Variants in NBEAL1 observed in about 807,000 individuals in gnomAD.
NBEAL1 encodes the protein neurobeachin-like protein 1.
A neutral mutation model predicts 351.3 loss-of-function variants in NBEAL1; 273 were observed. The observed-to-expected ratio is 0.78, with a 90% confidence interval of 0.70 to 0.86. The LOEUF (loss-of-function observed/expected upper bound fraction) is 0.86, where lower values mean the gene tolerates loss of function less well. NBEAL1 is among the 40% of genes least tolerant of loss of function. The pLI is 0.00. For missense variants in NBEAL1, 2,961 were observed against 3,201.3 expected, an observed-to-expected ratio of 0.92 and a Z score of 1.81; for synonymous variants, 1,050 against 1,086.4, an observed-to-expected ratio of 0.97 and a Z score of 0.66.
chr2:203,071,447 C>G (rs2061680392), intron 7 of NBEAL1, among the ~76,000 whole-genome samples: 1 of 152,160 alleles, frequency 6.6e-6, no homozygotes. Context: ...AAGGCCCTGT[C>G]TGCAATACAG....
intron 6 of NBEAL1, among the ~76,000 whole-genome samples, chr2:203,057,824 CTTTTTTT>C (rs747730907): frequency 3.0e-5 from 4 of 133,684 alleles, no homozygotes; most frequent in East Asian, 4.3e-4. Context: ...TTTCTTTTTT[CTTTTTTT>C]TTTTTTTGTT....
At chr2:203,145,797 CAAAAAAAAAA>C (rs56382460) in intron 33 of NBEAL1, among the ~76,000 whole-genome samples, 2 of 86,138 alleles carry the variant, frequency 2.3e-5, no homozygotes, top group Non-Finnish European at 4.6e-5. Context: ...GACTCCATCT[CAAAAAAAAAA>C]AAAAAAAAAG....
intron 14 of NBEAL1, among the ~76,000 whole-genome samples, chr2:203,109,712 G>A (rs955229239): frequency 2.0e-5 from 3 of 151,980 alleles, no homozygotes; most frequent in Admixed American, 6.6e-5. Context: ...TAGAGACGGG[G>A]TTTCACCACG....
At chr2:203,022,570 C>G (rs1208373959) in intron 2 of NBEAL1, among the ~76,000 whole-genome samples, 1 of 152,004 alleles carries the variant, frequency 6.6e-6, no homozygotes, top group Admixed American at 6.6e-5. Context: ...TTTTACATAT[C>G]TGTCAAAATT....
intron 2 of NBEAL1, among the ~76,000 whole-genome samples, chr2:203,032,660 CTTTTTTTTT>C (rs747309074): frequency 2.9e-5 from 2 of 70,144 alleles, no homozygotes; most frequent in Non-Finnish European, 4.9e-5. Context: ...GAAATTGTAG[CTTTTTTTTT>C]TTTTTTTTTT....
chr2:203,137,898 C>T (rs1232936807), intron 29 of NBEAL1, among the ~76,000 whole-genome samples: 3 of 151,930 alleles, frequency 2.0e-5, no homozygotes, highest in Admixed American at 6.6e-5. Flanking sequence ...GCAGGAGAAT[C>T]GCCTGAACCC....
At chr2:203,039,559 A>G (rs2061104412) in intron 2 of NBEAL1, among the ~76,000 whole-genome samples, 2 of 149,938 alleles carry the variant, frequency 1.3e-5, no homozygotes, top group Admixed American at 1.3e-4. Context: ...ACACCTGTCT[A>G]ATTTTTGTAT....
Position 203,224,900 on chromosome 2 carries a change from C to A in NBEAL1, c.*7546C>A, listed in dbSNP as rs1051789039. Among the ~76,000 whole-genome samples the A allele has an allele frequency of 6.6e-6, 1 of 152,042 alleles. No individual in the cohort carries two copies. Among genetic ancestry groups the A allele is most frequent in the Admixed American group, 6.6e-5 (1 of 15,254 alleles). On this transcript the variant is annotated 3_prime_UTR_variant, in exon 56 of 56. Coordinates refer to ENST00000683969, the MANE Select transcript of NBEAL1 (RefSeq NM_001378026.1). ...TAGTTAAGTTACTGTTAGTTTGGTG[C>A]AATACATTCTTTCCTTCCTCATCCT...
chr2:203,202,654 G>T, intron 50 of NBEAL1, 33 bp from the exon 51 acceptor site: 1 of 1,209,384 alleles, frequency 8.3e-7, no homozygotes, highest in Non-Finnish European at 1.2e-6. Flanking sequence ...GCAAAACGAG[G>T]CATCTCATTT....
Position 203,107,974 on chromosome 2 carries a change from G to A in NBEAL1, c.1735G>A (p.Val579Met), listed in dbSNP as rs1177108907. 29 of 1,554,422 alleles carry A rather than the reference G, an allele frequency of 1.9e-5. No homozygotes were observed. The highest frequency in any genetic ancestry group is 4.8e-5 in the East Asian group (2 of 41,758). Residue 579 changes from valine (V) to methionine (M), a missense_variant, in exon 14 of 56, where the codon GTG becomes ATG. Transcript: ENST00000683969. The part of the protein sequence containing the change: ...SESVHPYVTP[V>M]TRAILTMARK... ...GTCTGTTCACCCTTATGTCACTCCC[G>A]TGACTCGAGCAATCCTGACAATGGC...
chr2:203,110,473 G>T (rs980337136), intron 15 of NBEAL1, among the ~76,000 whole-genome samples, 191 bp downstream of exon 15: 1 of 151,816 alleles, frequency 6.6e-6, no homozygotes, highest in African/African-American at 2.4e-5. Flanking sequence ...AAGAGTTTGG[G>T]ACCATCCTGG....
Position 203,172,840 on chromosome 2 carries a change from G to A in NBEAL1, c.6310G>A (p.Ala2104Thr), listed in dbSNP as rs376568165. 11 of 1,605,576 alleles carry A rather than the reference G, an allele frequency of 6.9e-6. No homozygotes were observed. The highest frequency in any genetic ancestry group is 9.4e-6 in the Non-Finnish European group (11 of 1,176,428). The change falls in exon 41 of 56, where the codon GCT becomes ACT. Residue 2104 changes from alanine to threonine, a missense_variant. Ala to Thr is a moderately conservative substitution (Grantham distance 58). Coordinates refer to ENST00000683969, the MANE Select transcript of NBEAL1 (RefSeq NM_001378026.1). ...IGVVNEKNAKAMREKYENFED... is the reference protein window; with the variant it reads ...IGVVNEKNAKTMREKYENFED... ...GGTAGTTAATGAAAAAAACGCCAAA[G>A]CTATGAGAGAAAAGTAAGTGCTTCT...
intron 35 of NBEAL1, among the ~76,000 whole-genome samples, chr2:203,156,172 C>T (rs899288423): frequency 1.3e-5 from 2 of 152,174 alleles, no homozygotes; most frequent in African/African-American, 4.8e-5. Flanking sequence ...TCCACATTAT[C>T]CATGAGTCTC....
At chr2:203,210,860 A>T in intron 53 of NBEAL1, 98 bp from the exon 54 acceptor site, 1 of 597,740 alleles carries the variant, frequency 1.7e-6, no homozygotes, top group Non-Finnish European at 2.7e-6. Context: ...CTAAAATGTT[A>T]AGCCAAATAA....
chr2:203,119,424 C>CTTTTTTTTTT (rs57126638), intron 18 of NBEAL1, among the ~76,000 whole-genome samples: 677 of 66,646 alleles, frequency 0.01, 169 homozygotes, highest in East Asian at 0.017. Context: ...CGGCCTGTTG[C>CTTTTTTTTTT]TTTTTTTTTT....
rs1482757575 is a variant in NBEAL1 at position 203,167,127 on chromosome 2, C to G, written c.5864-100C>G. The G allele has an allele frequency of 3.5e-6, 4 of 1,155,920 alleles. No individual in the cohort carries two copies. The Admixed American group carries it at 9.8e-5, about 28-fold the overall frequency. 71.6% of individuals were successfully genotyped at this position (1,155,920 alleles called of 1,614,324 possible). A position where few individuals can be genotyped will look rare whatever the true frequency, so the allele number is the denominator to read the frequency against. The stretch of plus-strand genomic sequence containing the variant: ...TTTATATAGTACAGAAATTGAATTC[C>G]TTTTTCCTAAAACCTTTTGTCAAGA... On this transcript the variant is annotated intron_variant, in intron 37 of 55. Transcript: ENST00000683969.
chr2:203,038,710 T>A (rs975246815), intron 2 of NBEAL1, among the ~76,000 whole-genome samples: 22 of 149,044 alleles, frequency 1.5e-4, no homozygotes, highest in Admixed American at 1.3e-3. Context: ...CATCTTTTTG[T>A]TTGCTGATGG....
chr2:203,159,272 T>C (rs986395219), intron 36 of NBEAL1, among the ~76,000 whole-genome samples: 1 of 152,192 alleles, frequency 6.6e-6, no homozygotes, highest in Non-Finnish European at 1.5e-5. Context: ...GGGGTTTTTT[T>C]AATGTTTTCA....
intron 31 of NBEAL1, among the ~76,000 whole-genome samples, chr2:203,143,653 A>G (rs1237801649): frequency 6.6e-6 from 1 of 152,158 alleles, no homozygotes; most frequent in Non-Finnish European, 1.5e-5. Context: ...TTTCATATCC[A>G]GAGAAAGAGA....
Sources: allele counts gnomAD v4.1 joint callset (sites outside exome capture counted in the v4.1 genomes callset), GRCh38; gene constraint gnomAD v4.1.1; transcripts MANE v1.5; gene names NCBI Gene and HGNC (gene_info 2026-07-23, HGNC 2026-07-21).